The following EFNA5 variants were observed in gnomAD, a reference collection of about 807,000 sequenced individuals.
EFNA5 encodes ephrin-A5.
Under a neutral mutation model 22.9 loss-of-function variants are expected in EFNA5, and 5 were observed. The ratio of observed to expected loss-of-function variants is 0.22; its 90% CI spans 0.11 to 0.46. The LOEUF is 0.46. EFNA5 is among the 20% of genes least tolerant of loss of function. EFNA5 has a pLI of 0.99. For synonymous variants in EFNA5, 113 were observed against 112.2 expected (o/e 1.01, Z -0.04); for missense variants, 237 against 293.3 (o/e 0.81, Z 1.40).
chr5:107,399,443 C>T (rs991449863), intron 2 of EFNA5, among the ~76,000 whole-genome samples: 3 of 151,688 alleles, frequency 2.0e-5, no homozygotes, highest in Non-Finnish European at 2.9e-5. Context: ...GGAATGGGAA[C>T]GTGGGCATCT....
chr5:107,480,838 C>A (rs913349072), intron 1 of EFNA5, among the ~76,000 whole-genome samples: 9 of 152,148 alleles, frequency 5.9e-5, no homozygotes, highest in Non-Finnish European at 8.8e-5. Context: ...TGGGGACAAA[C>A]AGGTCTCAAA....
intron 1 of EFNA5, among the ~76,000 whole-genome samples, chr5:107,570,556 G>T (rs1020284502): frequency 3.3e-5 from 5 of 151,484 alleles, no homozygotes; most frequent in Non-Finnish European, 7.4e-5. Flanking sequence ...TTCCTGGTCG[G>T]TGTCCAAATG....
chr5:107,427,644 T>C (rs1561381614), intron 1 of EFNA5, 135 bp from the exon 2 acceptor site: 1 of 741,536 alleles, frequency 1.3e-6, no homozygotes, highest in Non-Finnish European at 2.0e-6. Flanking sequence ...GCCATTATGA[T>C]TTGGGGCATG....
intron 1 of EFNA5, among the ~76,000 whole-genome samples, chr5:107,565,964 T>C (rs1748658903): frequency 1.3e-5 from 2 of 152,256 alleles, no homozygotes; most frequent in Non-Finnish European, 2.9e-5. Flanking sequence ...TTTTGTCATA[T>C]GTACAGAAGG....
At chr5:107,599,575 A>G (rs1230836693) in intron 1 of EFNA5, among the ~76,000 whole-genome samples, 5 of 152,230 alleles carry the variant, frequency 3.3e-5, no homozygotes, top group Non-Finnish European at 5.9e-5. Flanking sequence ...TGAATGTATT[A>G]ACTACTAAAA....
At chr5:107,647,895 T>C (rs1341985609) in intron 1 of EFNA5, among the ~76,000 whole-genome samples, 1 of 152,124 alleles carries the variant, frequency 6.6e-6, no homozygotes, top group Non-Finnish European at 1.5e-5. Flanking sequence ...AAACAGACCC[T>C]GAGTGGGCCA....
rs1272257314 is a variant in EFNA5, at chr5:107,379,167, G to C, written c.*2088C>G. On this transcript the variant is annotated 3_prime_UTR_variant, in exon 5 of 5. Coordinates refer to ENST00000333274, the MANE Select transcript of EFNA5 (RefSeq NM_001962.3). Reference sequence around the variant, plus strand: ...ATGTCAGAGGGGAATAGGATTGATTGTATCTGTGAGGCTGGCAACCCCACA... The same window carrying C: ...ATGTCAGAGGGGAATAGGATTGATTCTATCTGTGAGGCTGGCAACCCCACA... 6.6e-6 allele frequency: 1 copy of C among 152,108 alleles called. No individual in the cohort carries two copies. The highest frequency in any genetic ancestry group is 2.4e-5 in the African/African-American group (1 of 41,412). The allele number at this position is 152,108 out of a possible 1,614,324, so 9.4% of individuals were successfully genotyped here.
rs574717340 is a variant in EFNA5 at position 107,662,392 on chromosome 5, G to A, written c.125+8097C>T. 5.1e-4 allele frequency among the ~76,000 whole-genome samples: 78 copies of A among 152,218 alleles called. 1 individual carries two copies. The highest frequency in any genetic ancestry group is 1.7e-3 in the African/African-American group (71 of 41,542). On this transcript the variant is annotated intron_variant, in intron 1 of 4. Coordinates refer to ENST00000333274, the MANE Select transcript of EFNA5 (RefSeq NM_001962.3). ...AGGTTACTTTTGAAATTAATCTTAC[G>A]GAAGCTCTGCTTTTACTGCAGTACA...
At chr5:107,503,763 C>A (rs1415584379) in intron 1 of EFNA5, among the ~76,000 whole-genome samples, 1 of 152,050 alleles carries the variant, frequency 6.6e-6, no homozygotes, top group African/African-American at 2.4e-5. Flanking sequence ...TCTTCATAAC[C>A]ATTAATATTT....
Position 107,512,603 on chromosome 5 carries a change from T to C in EFNA5, c.126-85094A>G, listed in dbSNP as rs186890178. Among the ~76,000 whole-genome samples the C allele has an allele frequency of 3.0e-4, 46 of 152,172 alleles. No individual in the cohort carries two copies. The South Asian group carries it at 4.2e-3, about 14-fold the overall frequency. ...GATTATTGCCATTAAAATAGAGCAA[T>C]GAGATAAAGTTTTGCCAGAGCCAAA... On this transcript the variant is annotated intron_variant, in intron 1 of 4. Coordinates refer to ENST00000333274, the MANE Select transcript of EFNA5 (RefSeq NM_001962.3).
chr5:107,566,222 T>C (rs1171841920), intron 1 of EFNA5, among the ~76,000 whole-genome samples: 1 of 152,218 alleles, frequency 6.6e-6, no homozygotes, highest in East Asian at 1.9e-4. Flanking sequence ...ATAAACTCAC[T>C]ATTTTTCATG....
chr5:107,610,678 C>T (rs981690354), intron 1 of EFNA5, among the ~76,000 whole-genome samples: 3 of 152,120 alleles, frequency 2.0e-5, no homozygotes, highest in African/African-American at 7.2e-5. Context: ...TCAGTGCATA[C>T]AGTGTCAAAG....
chr5:107,509,473 C>G (rs1747319311), intron 1 of EFNA5, among the ~76,000 whole-genome samples: 1 of 150,132 alleles, frequency 6.7e-6, no homozygotes, highest in African/African-American at 2.5e-5. Flanking sequence ...CATGTGCCAC[C>G]ATGCTTGGCT....
chr5:107,605,059 G>A (rs1226773941), intron 1 of EFNA5, among the ~76,000 whole-genome samples: 1 of 150,168 alleles, frequency 6.7e-6, no homozygotes, highest in East Asian at 2.0e-4. Flanking sequence ...ATCAAAAAGG[G>A]CAGCAAGAAA....
At chr5:107,450,291 G>C (rs1333042377) in intron 1 of EFNA5, among the ~76,000 whole-genome samples, 1 of 152,036 alleles carries the variant, frequency 6.6e-6, no homozygotes, top group African/African-American at 2.4e-5. Flanking sequence ...AAGTTTTTTT[G>C]CTCCTCTAGA....
chr5:107,491,503 G>C (rs545857179), intron 1 of EFNA5, among the ~76,000 whole-genome samples: 1 of 152,108 alleles, frequency 6.6e-6, no homozygotes, highest in Non-Finnish European at 1.5e-5. Context: ...GTAGAGACGG[G>C]TTTCACCATG....
At chr5:107,470,371 A>G (rs1750105807) in intron 1 of EFNA5, among the ~76,000 whole-genome samples, 1 of 152,252 alleles carries the variant, frequency 6.6e-6, no homozygotes, top group African/African-American at 2.4e-5. Context: ...AATTGTTATT[A>G]TACGGCTTCT....
chr5:107,444,065 G>T (rs939701636), intron 1 of EFNA5, among the ~76,000 whole-genome samples: 2 of 152,034 alleles, frequency 1.3e-5, no homozygotes, highest in African/African-American at 4.8e-5. Context: ...TCATCCATGT[G>T]GACACAGCAT....
intron 1 of EFNA5, among the ~76,000 whole-genome samples, chr5:107,546,055 G>A (rs1004240154): frequency 6.6e-6 from 1 of 152,076 alleles, no homozygotes; most frequent in Non-Finnish European, 1.5e-5. Flanking sequence ...GGGTTTCAGT[G>A]GATTTCACTG....
Sources: gnomAD v4.1 joint callset for allele counts (sites outside exome capture counted in the v4.1 genomes callset) on GRCh38, gnomAD v4.1.1 for gene constraint, MANE v1.5 for transcripts, NCBI Gene and HGNC (gene_info 2026-07-23, HGNC 2026-07-21) for gene names.